The following TSHZ2 variants were observed in gnomAD, a reference collection of about 807,000 sequenced individuals.
The protein encoded by TSHZ2 is teashirt homolog 2.
Under a neutral mutation model 74.4 loss-of-function variants are expected in TSHZ2, and 21 were observed. That is an observed-to-expected ratio of 0.28 (90% confidence interval 0.20 to 0.41). The LOEUF is 0.41. Ranked by LOEUF, TSHZ2 falls within the 10% of genes least tolerant of loss-of-function variation. TSHZ2 has a pLI of 1.00. For synonymous variants in TSHZ2, 540 were observed against 515.3 expected, an observed-to-expected ratio of 1.05 and a Z score of -0.65; for missense variants, 1,244 against 1,293.5, an observed-to-expected ratio of 0.96 and a Z score of 0.59.
chr20:53,254,204 A>G lies in TSHZ2; in HGVS notation c.746A>G (p.Lys249Arg). 1 of 1,614,210 alleles carries G rather than the reference A, an allele frequency of 6.2e-7. No individual in the cohort carries two copies. Among genetic ancestry groups the G allele is most frequent in the South Asian group, 1.1e-5 (1 of 91,090 alleles). ...HYQDDNRKKD[K>R]LRPTSYSKPR... ...CAAGATGACAACCGCAAAAAGGACA[A>G]GCTCAGACCCACGAGCTATTCAAAG... Residue 249 changes from lysine (K) to arginine (R), a missense_variant, in exon 2 of 3, where the codon AAG becomes AGG. Coordinates refer to ENST00000371497, the MANE Select transcript of TSHZ2 (RefSeq NM_173485.6).
intron 1 of TSHZ2, among the ~76,000 whole-genome samples, chr20:53,139,372 G>A (rs1024006955): frequency 2.0e-5 from 3 of 152,276 alleles, no homozygotes; most frequent in Non-Finnish European, 2.9e-5. Flanking sequence ...AGACTATCTC[G>A]ATTTTTCCTT....
At chr20:53,095,790 A>G (rs1986022410) in intron 1 of TSHZ2, among the ~76,000 whole-genome samples, 1 of 152,052 alleles carries the variant, frequency 6.6e-6, no homozygotes, top group African/African-American at 2.4e-5. Flanking sequence ...CTGACTACCA[A>G]AAATGTCCTC....
At chr20:53,126,427 C>A (rs758882101) in intron 1 of TSHZ2, among the ~76,000 whole-genome samples, 3 of 152,162 alleles carry the variant, frequency 2.0e-5, no homozygotes, top group African/African-American at 4.8e-5. Context: ...GGAAAAATAG[C>A]TATTGTCACA....
intron 2 of TSHZ2, among the ~76,000 whole-genome samples, chr20:53,287,270 A>G (rs1268045277): frequency 6.6e-6 from 1 of 151,282 alleles, no homozygotes; most frequent in Non-Finnish European, 1.5e-5. Flanking sequence ...GTTCATTTGA[A>G]TTGTCTGTTC....
intron 1 of TSHZ2, among the ~76,000 whole-genome samples, chr20:53,029,709 T>C (rs1395957692): frequency 6.6e-6 from 1 of 152,190 alleles, no homozygotes; most frequent in Non-Finnish European, 1.5e-5. Context: ...ACCACAGTTA[T>C]GCAATTCATA....
chr20:53,098,677 G>T (rs945920196), intron 1 of TSHZ2, among the ~76,000 whole-genome samples: 1 of 152,150 alleles, frequency 6.6e-6, no homozygotes, highest in African/African-American at 2.4e-5. Flanking sequence ...ATTCAGGGGG[G>T]AATTTCCCTC....
intron 1 of TSHZ2, among the ~76,000 whole-genome samples, chr20:53,187,090 T>C (rs1363617079): frequency 1.3e-5 from 2 of 152,160 alleles, no homozygotes; most frequent in African/African-American, 2.4e-5. Flanking sequence ...GCCTGGGCCT[T>C]TTAGAATCCA....
chr20:53,367,450 A>G (rs1330473716), intron 2 of TSHZ2, among the ~76,000 whole-genome samples: 1 of 151,960 alleles, frequency 6.6e-6, no homozygotes. Context: ...TTAAAAAACA[A>G]CTTTACTCTC....
intron 1 of TSHZ2, among the ~76,000 whole-genome samples, chr20:53,160,912 C>T (rs1811568152): frequency 6.6e-6 from 1 of 151,772 alleles, no homozygotes; most frequent in Non-Finnish European, 1.5e-5. Context: ...TTATAAGGTG[C>T]TAATAGGCCA....
At chr20:53,447,870 A>C (rs1431806901) in intron 2 of TSHZ2, among the ~76,000 whole-genome samples, 2 of 152,072 alleles carry the variant, frequency 1.3e-5, no homozygotes, top group Admixed American at 6.5e-5. Context: ...TGCAAATTAA[A>C]GCCAAATCAC....
At chr20:53,458,897 T>C (rs1432874325) in intron 2 of TSHZ2, among the ~76,000 whole-genome samples, 1 of 152,140 alleles carries the variant, frequency 6.6e-6, no homozygotes, top group Non-Finnish European at 1.5e-5. Context: ...TAATCCTGAG[T>C]TCTAGTTTGA....
chr20:53,016,880 TAACAC>T (rs1406125259), intron 1 of TSHZ2, among the ~76,000 whole-genome samples: 3 of 152,124 alleles, frequency 2.0e-5, no homozygotes, highest in Non-Finnish European at 4.4e-5. Flanking sequence ...CACAATGACT[TAACAC>T]AACAGAAGTT....
At chr20:53,123,898 A>T (rs1843865614) in intron 1 of TSHZ2, among the ~76,000 whole-genome samples, 1 of 152,190 alleles carries the variant, frequency 6.6e-6, no homozygotes, top group South Asian at 2.1e-4. Flanking sequence ...TAATTTTTAA[A>T]AGGTGCTTAT....
intron 1 of TSHZ2, among the ~76,000 whole-genome samples, chr20:53,141,688 G>C (rs1332736711): frequency 2.0e-5 from 3 of 152,204 alleles, no homozygotes; most frequent in Non-Finnish European, 4.4e-5. Flanking sequence ...GCACCTATCC[G>C]GGCCCTCCCT....
intron 2 of TSHZ2, among the ~76,000 whole-genome samples, chr20:53,443,971 G>A (rs759407768): frequency 6.6e-5 from 10 of 152,176 alleles, no homozygotes; most frequent in Non-Finnish European, 8.8e-5. Context: ...CAACACTGAA[G>A]AGAGGTTTGG....
At chr20:52,982,142 A>G (rs2122881553) in intron 1 of TSHZ2, among the ~76,000 whole-genome samples, 1 of 152,334 alleles carries the variant, frequency 6.6e-6, no homozygotes, top group African/African-American at 2.4e-5. Context: ...CATCTGGGCT[A>G]AGTCCTGTTC....
intron 2 of TSHZ2, among the ~76,000 whole-genome samples, chr20:53,406,257 G>A (rs930095549): frequency 1.3e-5 from 2 of 152,056 alleles, no homozygotes; most frequent in East Asian, 1.9e-4. Context: ...CAAAGATGGC[G>A]GTAAAAAGAT....
chr20:52,982,014 T>C (rs1981586197), intron 1 of TSHZ2, among the ~76,000 whole-genome samples: 1 of 152,170 alleles, frequency 6.6e-6, no homozygotes, highest in Admixed American at 6.5e-5. Context: ...GAAAAGATAA[T>C]TTCAGTATAG....
At chr20:53,293,463 C>T (rs1253669062) in intron 2 of TSHZ2, among the ~76,000 whole-genome samples, 14 of 151,930 alleles carry the variant, frequency 9.2e-5, no homozygotes, top group Non-Finnish European at 2.9e-5. Flanking sequence ...ACTCTGTCTC[C>T]ACCTCAAAAA....
Sources: gnomAD v4.1 joint callset for allele counts (sites outside exome capture counted in the v4.1 genomes callset) on GRCh38, gnomAD v4.1.1 for gene constraint, MANE v1.5 for transcripts, NCBI Gene and HGNC (gene_info 2026-07-23, HGNC 2026-07-21) for gene names.